PWWP3A: variants seen among roughly 807,000 people sequenced by gnomAD.
PWWP3A encodes PWWP domain-containing DNA repair factor 3A.
PWWP3A carries 53 observed loss-of-function variants against 79.0 expected under a neutral mutation model. The observed-to-expected ratio is 0.67, with a 90% confidence interval of 0.54 to 0.84. PWWP3A has a LOEUF of 0.84. Among genes scored for constraint, PWWP3A ranks in the 40% least tolerant of loss-of-function variants. The pLI is 0.00. For synonymous variants in PWWP3A, 443 were observed against 394.4 expected (o/e 1.12, Z -1.46); for missense variants, 973 against 948.0 (o/e 1.03, Z -0.35).
chr19:1,375,910 AG>A (rs1310355802), intron 13 of PWWP3A, among the ~76,000 whole-genome samples: 1 of 148,384 alleles, frequency 6.7e-6, no homozygotes, highest in Non-Finnish European at 1.5e-5. Flanking sequence ...CCTTGGTTCA[AG>A]CGATTCTTCT....
rs2082088225 is a variant in PWWP3A, at chr19:1,364,495, T to C, written c.1214-14T>C. On this transcript the variant is annotated splice_polypyrimidine_tract_variant and intron_variant, in intron 6 of 13. Coordinates refer to ENST00000591337, the MANE Select transcript of PWWP3A (RefSeq NM_001369789.1). Reference sequence around the variant, plus strand: ...ATTCTTTTTTTTTTGTTTTTCTTTTTTCTTTAATTCTAGAACCACGTTCGT... The same window carrying C: ...ATTCTTTTTTTTTTGTTTTTCTTTTCTCTTTAATTCTAGAACCACGTTCGT... 2 of 1,578,536 alleles carry C rather than the reference T, an allele frequency of 1.3e-6. No individual in the cohort carries two copies. The highest frequency in any genetic ancestry group is 1.7e-6 in the Non-Finnish European group (2 of 1,167,996).
intron 11 of PWWP3A, among the ~76,000 whole-genome samples, 179 bp from the exon 12 acceptor site, chr19:1,370,436 GCCCAGTGAGGGGGGAAAGGCCGGGGGT>G (rs2082226997): frequency 6.6e-6 from 1 of 152,166 alleles, no homozygotes; most frequent in African/African-American, 2.4e-5. Flanking sequence ...TGGCTGCAGG[GCCCAGTGAGGGGGGAAAGGCCGGGGGT>G]CCCAGCAGAG....
In PWWP3A at chr19:1,360,375, A is replaced by G. The variant is rs1376229162; in HGVS notation, c.454A>G (p.Arg152Gly). 1 of 1,614,122 alleles carries G rather than the reference A, an allele frequency of 6.2e-7. No homozygotes were observed. Among genetic ancestry groups the G allele is most frequent in the South Asian group, 1.1e-5 (1 of 91,090 alleles). The change falls in exon 5 of 14, where the codon AGG becomes GGG. Residue 152 changes from arginine (R) to glycine (G), a missense_variant. Physicochemically the swap from Arg to Gly is moderately radical, Grantham distance 125 (BLOSUM62 -2). Coordinates refer to ENST00000591337, the MANE Select transcript of PWWP3A (RefSeq NM_001369789.1). The surrounding 1 kb of genome is among the most constrained non-coding windows in gnomAD (Gnocchi z 4.4). ...GTTGGGCAGTTCCAGACCTCACAGG[A>G]GGAGGCCATGTGTGCAACAAAGCCT... The part of the protein sequence containing the change: ...DVLGSSRPHR[R>G]RPCVQQSLSS...
In PWWP3A at chr19:1,367,225, G is replaced by A; in HGVS notation, c.1422+5G>A. ...AAAGAGAAACAGACGCTTCTGGTAG[G>A]TGGATGATGTTTTGTGCTTGCTTTA... On this transcript the variant is annotated splice_donor_5th_base_variant and intron_variant, in intron 9 of 13. Coordinates refer to ENST00000591337, the MANE Select transcript of PWWP3A (RefSeq NM_001369789.1). 1 of 1,611,630 alleles carries A rather than the reference G, an allele frequency of 6.2e-7. No homozygotes were observed. The highest frequency in any genetic ancestry group is 8.5e-7 in the Non-Finnish European group (1 of 1,178,584).
Position 1,371,064 on chromosome 19 carries a change from G to T in PWWP3A, c.1972G>T (p.Val658Leu), listed in dbSNP as rs967539074. ...CGACCGGATCCGGTTCATTCTGGAC[G>T]TGCTTCTGCCCGAGGTGAGCCGCGG... ...NGDRIRFILD[V>L]LLPEAIICAI... The change falls in exon 12 of 14, where the codon GTG (valine) becomes TTG (leucine). Residue 658 changes from valine to leucine, a missense_variant. Physicochemically the swap from Val to Leu is conservative, Grantham distance 32 (BLOSUM62 1). Coordinates refer to ENST00000591337, the MANE Select transcript of PWWP3A (RefSeq NM_001369789.1). The T allele has an allele frequency of 1.3e-6, 2 of 1,565,260 alleles. No homozygotes were observed.
intron 3 of PWWP3A, chr19:1,357,388 A>C (rs1180862756): frequency 5.5e-6 from 1 of 182,156 alleles, no homozygotes; most frequent in Non-Finnish European, 1.1e-5. Context: ...TGGTTAAAAT[A>C]GGGATATTTC....
chr19:1,360,961 C>T lies in PWWP3A; in HGVS notation c.1040C>T (p.Pro347Leu), dbSNP rs542400159. ...CCGCGCAGCACCGCCAGGCTGGGCC[C>T]GCCTCCCTCCCACGCCTCTGCGGAT... is the stretch of plus-strand genomic sequence containing the variant. ...VTPRSTARLG[P>L]PPSHASADAT... The change falls in exon 5 of 14, where the codon CCG (proline) becomes CTG (leucine). Residue 347 changes from proline to leucine, a missense_variant. By Grantham distance (98) the Pro-to-Leu change is moderately conservative. Transcript: ENST00000591337. The surrounding 1 kb of genome is among the most constrained non-coding windows in gnomAD (Gnocchi z 4.4). The T allele has an allele frequency of 5.5e-5, 81 of 1,475,802 alleles. No homozygotes were observed. The highest frequency in any genetic ancestry group is 8.1e-5 in the Admixed American group (3 of 36,980). 91.4% of individuals were successfully genotyped at this position (1,475,802 alleles called of 1,614,324 possible).
At chr19:1,363,805 T>C (rs1385900008) in intron 6 of PWWP3A, among the ~76,000 whole-genome samples, 2 of 152,184 alleles carry the variant, frequency 1.3e-5, no homozygotes, top group Non-Finnish European at 2.9e-5. Context: ...CCTCCCTTTT[T>C]CTCTGGTCAC....
chr19:1,376,361 A>G (rs1478598514), intron 13 of PWWP3A, among the ~76,000 whole-genome samples, 158 bp from the exon 14 acceptor site: 3 of 107,230 alleles, frequency 2.8e-5, no homozygotes, highest in African/African-American at 7.4e-5. Context: ...TCACCGTGTT[A>G]GCCAGGATGG....
rs143362506 is a variant in PWWP3A at position 1,371,569 on chromosome 19, C to T, written c.1986+491C>T. ...TGTCTGTGATTTCGAACTTCAGCTG[C>T]GGATTTGGGGCTTGGTGAGGAGCAA... On this transcript the variant is annotated intron_variant, in intron 12 of 13. Transcript: ENST00000591337. 1,038 of 606,428 alleles carry T rather than the reference C, an allele frequency of 1.7e-3. 2 individuals carry two copies. The highest frequency in any genetic ancestry group is 2.6e-3 in the Non-Finnish European group (876 of 339,220). 37.6% of individuals were successfully genotyped at this position (606,428 alleles called of 1,614,324 possible). A position where few individuals can be genotyped will look rare whatever the true frequency, so the allele number is the denominator to read the frequency against.
Position 1,370,821 on chromosome 19 carries a change from G to C in PWWP3A, c.1729G>C (p.Glu577Gln). The C allele has an allele frequency of 3.2e-6, 5 of 1,571,916 alleles. No homozygotes were observed. Among genetic ancestry groups the C allele is most frequent in the Non-Finnish European group, 4.3e-6 (5 of 1,158,572 alleles). Residue 577 changes from glutamate to glutamine, a missense_variant, in exon 12 of 14, where the codon GAG (glutamate) becomes CAG (glutamine). Glu to Gln is a conservative substitution (Grantham distance 29). Transcript: ENST00000591337. ...ARDRANQKLV[E>Q]YIVKAKGAES... ...GGACCGGGCCAACCAGAAGCTGGTG[G>C]AGTACATTGTGAAGGCCAAGGGCGC... is the stretch of plus-strand genomic sequence containing the variant.
chr19:1,361,738 C>G (rs1475429343), intron 5 of PWWP3A, among the ~76,000 whole-genome samples: 2 of 152,164 alleles, frequency 1.3e-5, no homozygotes, highest in African/African-American at 2.4e-5. Context: ...TGACCGCACC[C>G]CTACCCTGTT....
In PWWP3A at chr19:1,376,561, C is replaced by T. The variant is rs1403189140; in HGVS notation, c.2118C>T (p.Asn706=). ...IFDNQLLEER[N]RRRR Reference sequence around the variant, plus strand: ...ACAACCAGCTCCTTGAAGAGCGGAACCGGCGCCGTCGGTGAGGGAGCAGCC... The same window carrying T: ...ACAACCAGCTCCTTGAAGAGCGGAATCGGCGCCGTCGGTGAGGGAGCAGCC... Residue 706 remains asparagine, a synonymous_variant, in exon 14 of 14, where the codon AAC becomes AAT. Coordinates refer to ENST00000591337, the MANE Select transcript of PWWP3A (RefSeq NM_001369789.1). 1 of 1,613,552 alleles carries T rather than the reference C, an allele frequency of 6.2e-7. No homozygotes were observed. The highest frequency in any genetic ancestry group is 2.2e-5 in the East Asian group (1 of 44,874).
chr19:1,358,692 T>TGGTCAGTGGTGAG, intron 4 of PWWP3A: 3 of 1,519,020 alleles, frequency 2.0e-6, no homozygotes, highest in Non-Finnish European at 2.6e-6. Flanking sequence ...ACGCCCAGAA[T>TGGTCAGTGGTGAG]GGTCAGTGGT....
chr19:1,365,264 T>G (rs1252916974), intron 7 of PWWP3A, among the ~76,000 whole-genome samples: 1 of 152,374 alleles, frequency 6.6e-6, no homozygotes, highest in East Asian at 1.9e-4. Flanking sequence ...CCTGTCCAAG[T>G]TCCCGGTGTG....
At chr19:1,364,473 C>CTTTTTTT in intron 6 of PWWP3A, 36 bp from the exon 7 acceptor site, 1 of 1,321,802 alleles carries the variant, frequency 7.6e-7, no homozygotes, top group Non-Finnish European at 1.0e-6. Flanking sequence ...CTTGTCTATT[C>CTTTTTTT]TTTTTTTTTT....
intron 9 of PWWP3A, among the ~76,000 whole-genome samples, chr19:1,368,000 C>T (rs549631926): frequency 2.0e-5 from 3 of 152,318 alleles, no homozygotes; most frequent in Admixed American, 6.5e-5. Context: ...TCTCAGCTCA[C>T]TGCAACCTCC....
intron 3 of PWWP3A, chr19:1,357,628 C>T (rs1370092580): frequency 6.5e-6 from 1 of 152,674 alleles, no homozygotes; most frequent in Admixed American, 6.5e-5. Context: ...GTGTCTGGCA[C>T]TGGGAAAGGT....
At chr19:1,366,930 C>A (rs528576387) in intron 8 of PWWP3A, among the ~76,000 whole-genome samples, 1 of 152,212 alleles carries the variant, frequency 6.6e-6, no homozygotes, top group East Asian at 1.9e-4. Flanking sequence ...ACCCAGGCCC[C>A]GAGGTCGGCC....
Sources: allele counts gnomAD v4.1 joint callset (sites outside exome capture counted in the v4.1 genomes callset), GRCh38; gene constraint gnomAD v4.1.1; non-coding constraint Gnocchi (gnomAD v3.1); transcripts MANE v1.5; gene names NCBI Gene and HGNC (gene_info 2026-07-23, HGNC 2026-07-21).